NCOA1: variants seen among roughly 807,000 people sequenced by gnomAD.
NCOA1 encodes the protein nuclear receptor coactivator 1.
Under a neutral mutation model 150.9 loss-of-function variants are expected in NCOA1, and 35 were observed. That is an observed-to-expected ratio of 0.23 (90% confidence interval 0.18 to 0.31). The LOEUF is 0.31. Among genes scored for constraint, NCOA1 ranks in the 10% least tolerant of loss-of-function variants. NCOA1 has a pLI of 1.00. For missense variants in NCOA1, 1,491 were observed against 1,749.3 expected (o/e 0.85, Z 2.63); for synonymous variants, 590 against 630.0 (o/e 0.94, Z 0.95).
chr2:24,706,477 A>G lies in NCOA1; in HGVS notation c.1098-91A>G, dbSNP rs566534389. On this transcript the variant is annotated intron_variant, in intron 12 of 22. Transcript: ENST00000348332. ...CTTGATAGCTTGCAATATTAATGAGATCAATGGTCTTGTTTTAGAATATGT... is the reference window on the plus strand; with the variant it reads ...CTTGATAGCTTGCAATATTAATGAGGTCAATGGTCTTGTTTTAGAATATGT... 5 of 1,373,108 alleles carry G rather than the reference A, an allele frequency of 3.6e-6. No individual in the cohort carries two copies. The African/African-American group carries it at 4.4e-5, about 12-fold the overall frequency. The allele number at this position is 1,373,108 out of a possible 1,614,324, so 85.1% of individuals were successfully genotyped here. A position where few individuals can be genotyped will look rare whatever the true frequency, so the allele number is the denominator to read the frequency against.
chr2:24,536,349 G>A (rs945695671), intron 1 of NCOA1, among the ~76,000 whole-genome samples: 3 of 152,028 alleles, frequency 2.0e-5, no homozygotes, highest in Admixed American at 6.6e-5. Flanking sequence ...TTAGCCATTC[G>A]CCTAACCTTT....
chr2:24,529,638 G>A (rs1664796140), intron 1 of NCOA1, among the ~76,000 whole-genome samples: 1 of 152,178 alleles, frequency 6.6e-6, no homozygotes, highest in African/African-American at 2.4e-5. Context: ...CTCCTGGTCT[G>A]GGGCAGAGTT....
intron 1 of NCOA1, among the ~76,000 whole-genome samples, chr2:24,514,635 T>C (rs1664089655): frequency 6.6e-6 from 1 of 151,962 alleles, no homozygotes; most frequent in African/African-American, 2.4e-5. Context: ...AAACTCCATA[T>C]CTACAAAAAT....
In NCOA1 at chr2:24,728,291, G is replaced by A; in HGVS notation, c.2718-17G>A. 2 of 1,586,916 alleles carry A rather than the reference G, an allele frequency of 1.3e-6. No homozygotes were observed. The highest frequency in any genetic ancestry group is 8.6e-7 in the Non-Finnish European group (1 of 1,168,518). On this transcript the variant is annotated splice_polypyrimidine_tract_variant and intron_variant, in intron 15 of 22. Transcript: ENST00000348332. ...TGCTATGTCAGTCTGAAACTTTCTT[G>A]TTTTTTAATCCTGCAGCCAGTGTAT... is the stretch of plus-strand genomic sequence containing the variant.
intron 2 of NCOA1, among the ~76,000 whole-genome samples, chr2:24,583,684 A>G (rs746121996): frequency 3.9e-5 from 6 of 152,200 alleles, no homozygotes; most frequent in Non-Finnish European, 7.4e-5. Flanking sequence ...AATATGATAT[A>G]TATACAGAAT....
chr2:24,514,371 T>C (rs1664072070), intron 1 of NCOA1, among the ~76,000 whole-genome samples: 2 of 150,896 alleles, frequency 1.3e-5, no homozygotes. Context: ...CACATAAGCA[T>C]TGGTAATAGT....
chr2:24,535,463 T>A (rs1326005554), intron 1 of NCOA1, among the ~76,000 whole-genome samples: 1 of 152,206 alleles, frequency 6.6e-6, no homozygotes, highest in Non-Finnish European at 1.5e-5. Context: ...AAGGTTAATA[T>A]TATTATGTGT....
chr2:24,517,405 T>C (rs531259197), intron 1 of NCOA1, among the ~76,000 whole-genome samples: 1 of 152,132 alleles, frequency 6.6e-6, no homozygotes, highest in Admixed American at 6.5e-5. Context: ...CATTTGTACC[T>C]GGAGTACACA....
chr2:24,666,009 T>A (rs999176889), intron 6 of NCOA1, 94 bp downstream of exon 6: 124 of 678,582 alleles, frequency 1.8e-4, no homozygotes, highest in African/African-American at 2.8e-4. Flanking sequence ...TATTATTATT[T>A]TATTATTATT....
intron 22 of NCOA1, among the ~76,000 whole-genome samples, chr2:24,766,698 A>C (rs747067497): frequency 6.6e-6 from 1 of 151,968 alleles, no homozygotes; most frequent in Non-Finnish European, 1.5e-5. Context: ...AAGAGAAGAG[A>C]GGAGCGGGAA....
chr2:24,528,430 A>G (rs879022321), intron 1 of NCOA1, among the ~76,000 whole-genome samples: 1 of 146,010 alleles, frequency 6.8e-6, no homozygotes, highest in African/African-American at 2.5e-5. Flanking sequence ...CACTGCAGCC[A>G]CAATCTTTTG....
chr2:24,587,547 A>G (rs556563801), intron 3 of NCOA1, among the ~76,000 whole-genome samples: 4 of 152,190 alleles, frequency 2.6e-5, no homozygotes, highest in Non-Finnish European at 4.4e-5. Context: ...TTCCTTGACT[A>G]TTATAAGAAC....
At chr2:24,602,480 C>T (rs1383643209) in intron 3 of NCOA1, among the ~76,000 whole-genome samples, 1 of 152,160 alleles carries the variant, frequency 6.6e-6, no homozygotes, top group East Asian at 1.9e-4. Context: ...GGATTACGGG[C>T]ATGTGCCACT....
At chr2:24,692,078 G>A (rs558631691) in intron 9 of NCOA1, among the ~76,000 whole-genome samples, 1 of 152,030 alleles carries the variant, frequency 6.6e-6, no homozygotes, top group East Asian at 1.9e-4. Context: ...GCTATACAAG[G>A]TAATTTATAA....
chr2:24,764,248 T>C (rs1664937476), intron 22 of NCOA1, among the ~76,000 whole-genome samples: 1 of 152,200 alleles, frequency 6.6e-6, no homozygotes, highest in African/African-American at 2.4e-5. Flanking sequence ...CCCAGGTCTT[T>C]CTACCGCCAG....
chr2:24,524,229 A>C (rs1664559318), intron 1 of NCOA1, among the ~76,000 whole-genome samples: 1 of 152,218 alleles, frequency 6.6e-6, no homozygotes. Flanking sequence ...TCATTTTTAT[A>C]AATTGTTCAA....
At chr2:24,566,669 C>CGA (rs1390405154) in intron 2 of NCOA1, among the ~76,000 whole-genome samples, 1 of 152,230 alleles carries the variant, frequency 6.6e-6, no homozygotes, top group Non-Finnish European at 1.5e-5. Context: ...GCCCAGAAGT[C>CGA]TATCTGCCTC....
chr2:24,583,757 T>C (rs922584074), intron 2 of NCOA1, among the ~76,000 whole-genome samples: 2 of 152,144 alleles, frequency 1.3e-5, no homozygotes, highest in African/African-American at 4.8e-5. Flanking sequence ...TGGATGAACC[T>C]GGAGGACTGT....
At chr2:24,685,208 A>G (rs1475081966) in intron 8 of NCOA1, among the ~76,000 whole-genome samples, 1 of 152,116 alleles carries the variant, frequency 6.6e-6, no homozygotes, top group African/African-American at 2.4e-5. Flanking sequence ...GAAAAAAGTT[A>G]AAGTCAAACT....
Sources: gnomAD v4.1 joint callset for allele counts (sites outside exome capture counted in the v4.1 genomes callset) on GRCh38, gnomAD v4.1.1 for gene constraint, MANE v1.5 for transcripts, NCBI Gene and HGNC (gene_info 2026-07-23, HGNC 2026-07-21) for gene names.